The following AAAS variants were observed in gnomAD, a reference collection of about 807,000 sequenced individuals.
AAAS encodes aladin.
AAAS carries 60 observed loss-of-function variants against 75.6 expected under a neutral mutation model. The ratio of observed to expected loss-of-function variants is 0.79; its 90% CI spans 0.64 to 0.98. AAAS has a LOEUF of 0.98. AAAS is among the 50% of genes least tolerant of loss of function. The probability of loss-of-function intolerance (pLI) is 0.00; values close to 1 mark genes in which losing one functional copy is unlikely to be tolerated. For missense variants in AAAS, 658 were observed against 686.9 expected, an observed-to-expected ratio of 0.96 and a Z score of 0.47; for synonymous variants, 271 against 265.0, an observed-to-expected ratio of 1.02 and a Z score of -0.22.
chr12:53,320,428 T>C (rs1252737575), intron 2 of AAAS, 137 bp downstream of exon 2: 1 of 1,250,980 alleles, frequency 8.0e-7, no homozygotes. Context: ...AAAAATTTCA[T>C]ATGATTTAGG....
intron 2 of AAAS, among the ~76,000 whole-genome samples, chr12:53,317,327 G>A (rs1406284105): frequency 6.6e-6 from 1 of 152,060 alleles, no homozygotes; most frequent in Non-Finnish European, 1.5e-5. Flanking sequence ...GGAGGCTGAG[G>A]CGGGCGGATC....
At chr12:53,308,856 A>T in intron 10 of AAAS, 41 bp from the exon 11 acceptor site, 1 of 1,613,394 alleles carries the variant, frequency 6.2e-7, no homozygotes, top group African/African-American at 1.3e-5. Context: ...GTATGTCTAT[A>T]GTAGAATGCA....
intron 2 of AAAS, 118 bp from the exon 3 acceptor site, chr12:53,315,900 C>A: frequency 1.8e-6 from 2 of 1,101,064 alleles, no homozygotes; most frequent in Non-Finnish European, 2.7e-6. Flanking sequence ...TAATGAGTGC[C>A]AACTATGTAC....
At chr12:53,315,882 C>G in intron 2 of AAAS, 100 bp from the exon 3 acceptor site, 2 of 1,363,156 alleles carry the variant, frequency 1.5e-6, no homozygotes, top group Non-Finnish European at 1.0e-6. Flanking sequence ...AATATGGGCA[C>G]TCACATTTAA....
At chr12:53,312,665 A>G (rs1201291124) in intron 7 of AAAS, among the ~76,000 whole-genome samples, 5 of 151,708 alleles carry the variant, frequency 3.3e-5, no homozygotes, top group African/African-American at 1.2e-4. Context: ...TTTCTCCCGT[A>G]TCTATATCTT....
In AAAS at chr12:53,309,720, G is replaced by T. The variant is rs1185114398; in HGVS notation, c.691C>A (p.Pro231Thr). The T allele has an allele frequency of 6.2e-7, 1 of 1,613,024 alleles. No individual in the cohort carries two copies. The highest frequency in any genetic ancestry group is 1.3e-5 in the African/African-American group (1 of 75,038). Residue 231 changes from proline (P) to threonine (T), a missense_variant and splice_region_variant, in exon 8 of 16, where the codon CCC becomes ACC. By Grantham distance (38) the Pro-to-Thr change is conservative. Transcript: ENST00000209873. ...TLDPTSLSTR[P>T]SSGCAQVLSH... ...AGCACTTGGGCACAGCCAGAAGAGG[G>T]TCTGGAGGGGAACACAGAGGATGTG...
rs759031506 is a variant in AAAS at position 53,320,740 on chromosome 12, A to T, written c.124-48T>A. The T allele has an allele frequency of 4.4e-6, 7 of 1,607,412 alleles. No homozygotes were observed. In the South Asian group the frequency reaches 7.7e-5, roughly 18 times the overall value. On this transcript the variant is annotated intron_variant, in intron 1 of 15. Coordinates refer to ENST00000209873, the MANE Select transcript of AAAS (RefSeq NM_015665.6). ...GTGACGGTGATTCAGTCTCTTCCCA[A>T]ATCTTTAATTCCGTGCCATCTCCAA...
At chr12:53,312,166 T>C (rs550784528) in intron 7 of AAAS, among the ~76,000 whole-genome samples, 29 of 150,090 alleles carry the variant, frequency 1.9e-4, no homozygotes, top group African/African-American at 7.1e-4. Context: ...TGAGCCGAGA[T>C]TGCACCACTG....
intron 2 of AAAS, among the ~76,000 whole-genome samples, chr12:53,319,478 G>C (rs779489447): frequency 6.6e-6 from 1 of 152,176 alleles, no homozygotes; most frequent in African/African-American, 2.4e-5. Context: ...GATTATAGGC[G>C]TGAGTCACTG....
At chr12:53,318,249 T>TGCGC (rs1555191460) in intron 2 of AAAS, among the ~76,000 whole-genome samples, 48 of 140,858 alleles carry the variant, frequency 3.4e-4, no homozygotes, top group African/African-American at 1.2e-3. Flanking sequence ...TGTGTGCGTG[T>TGCGC]GTGTGTGTGT....
chr12:53,307,595 A>G lies in AAAS; in HGVS notation c.1535T>C (p.Ile512Thr). The change falls in exon 16 of 16, where the codon ATT becomes ACT. Residue 512 changes from isoleucine (I) to threonine (T), a missense_variant. Coordinates refer to ENST00000209873, the MANE Select transcript of AAAS (RefSeq NM_015665.6). ...QEPPAGGGGS[I>T]HDLPLFTETS... ...CTCAGTAAAGAGGGGCAGGTCATGA[A>G]TAGAGCCTCCACCCCCAGCAGGGGG... 8 of 1,614,230 alleles carry G rather than the reference A, an allele frequency of 5.0e-6. No homozygotes were observed. Among genetic ancestry groups the G allele is most frequent in the Non-Finnish European group, 6.8e-6 (8 of 1,180,040 alleles).
chr12:53,313,155 C>CT lies in AAAS; in HGVS notation c.689+1142dup, dbSNP rs34324648. ...ACAGGCGTGAGCCACCGCGCCTGGC[C>CT]TTTTTTTTTTTTTTTTTTTTGAGAC... is the stretch of plus-strand genomic sequence containing the variant. On this transcript the variant is annotated intron_variant, in intron 7 of 15. Coordinates refer to ENST00000209873, the MANE Select transcript of AAAS (RefSeq NM_015665.6). Among the ~76,000 whole-genome samples the CT allele has an allele frequency of 6.1e-4, 38 of 62,536 alleles. 1 individual carries two copies. The highest frequency in any genetic ancestry group is 2.0e-3 in the African/African-American group (34 of 16,940). 41.0% of individuals were successfully genotyped at this position (62,536 alleles called of 152,430 possible).
Position 53,308,451 on chromosome 12 carries a change from G to A in AAAS, c.1165C>T (p.Pro389Ser). The A allele has an allele frequency of 1.2e-6, 2 of 1,614,116 alleles. No homozygotes were observed. Among genetic ancestry groups the A allele is most frequent in the Middle Eastern group, 1.6e-4 (1 of 6,062 alleles). Residue 389 changes from proline to serine, a missense_variant, in exon 12 of 16, where the codon CCA becomes TCA. Transcript: ENST00000209873. ...TCAGCTCACCTCTCCTCACCATCTG[G>A]TGTCTGTATTGTTGTCTCAGACAGA... ...ADLSETTIQT[P>S]DGEERLGGEA...
At chr12:53,317,966 T>A (rs1272953454) in intron 2 of AAAS, among the ~76,000 whole-genome samples, 1 of 152,214 alleles carries the variant, frequency 6.6e-6, no homozygotes, top group African/African-American at 2.4e-5. Context: ...CTGGACTAGG[T>A]GCCTCACATT....
chr12:53,307,991 G>A, intron 14 of AAAS, 61 bp downstream of exon 14: 1 of 1,612,636 alleles, frequency 6.2e-7, no homozygotes, highest in Non-Finnish European at 8.5e-7. Flanking sequence ...GTGGGATGTG[G>A]GTTTGTTTGT....
At position 53,314,769 on chromosome 12, in the gene AAAS, C is replaced by CG. The variant is rs1486537681; in HGVS notation, c.526dup (p.Arg176ProfsTer4). 1 of 1,613,608 alleles carries CG rather than the reference C, an allele frequency of 6.2e-7. No homozygotes were observed. The highest frequency in any genetic ancestry group is 1.3e-5 in the African/African-American group (1 of 74,886). ...CACACACCTGCTGGCATTATACACA[C>CG]GGACTGAGTCATCTAGCAGGGCCAC... On this transcript the variant is annotated frameshift_variant, in exon 6 of 16. Coordinates refer to ENST00000209873, the MANE Select transcript of AAAS (RefSeq NM_015665.6). LOFTEE classifies it high-confidence loss of function.
intron 7 of AAAS, among the ~76,000 whole-genome samples, chr12:53,311,229 C>A (rs1317515234): frequency 6.6e-6 from 1 of 152,156 alleles, no homozygotes; most frequent in East Asian, 1.9e-4. Context: ...CACGCATGAG[C>A]CATCACGCCT....
chr12:53,314,968 G>A, intron 5 of AAAS, 119 bp from the exon 6 acceptor site: 1 of 1,473,796 alleles, frequency 6.8e-7, no homozygotes, highest in Non-Finnish European at 9.5e-7. Flanking sequence ...TCTTTTTTGG[G>A]GGAACAGGAG....
At chr12:53,308,381 G>C (rs1944329374) in intron 12 of AAAS, 32 bp from the exon 13 acceptor site, 2 of 1,614,128 alleles carry the variant, frequency 1.2e-6, no homozygotes, top group Non-Finnish European at 1.7e-6. Context: ...GAGAGTTTCA[G>C]TGTGGTCCCT....
Sources: gnomAD v4.1 joint callset for allele counts (sites outside exome capture counted in the v4.1 genomes callset) on GRCh38, gnomAD v4.1.1 for gene constraint, MANE v1.5 for transcripts, NCBI Gene and HGNC (gene_info 2026-07-23, HGNC 2026-07-21) for gene names.